Variants in CYRIB observed in about 807,000 individuals in gnomAD.
CYRIB encodes the protein CYFIP-related Rac1 interactor B.
A neutral mutation model predicts 44.2 loss-of-function variants in CYRIB; 8 were observed. The ratio of observed to expected loss-of-function variants is 0.18; its 90% confidence interval spans 0.11 to 0.33. The LOEUF (loss-of-function observed/expected upper bound fraction) is 0.33, where lower values mean the gene tolerates loss of function less well. Ranked by LOEUF, CYRIB falls within the 10% of genes least tolerant of loss-of-function variation. The probability of loss-of-function intolerance (pLI) is 1.00; values close to 1 mark genes in which losing one functional copy is unlikely to be tolerated. For synonymous variants in CYRIB, 131 were observed against 127.2 expected (o/e 1.03, Z -0.20); for missense variants, 185 against 382.8 (o/e 0.48, Z 4.31).
chr8:129,885,319 C>T (rs554600593), intron 2 of CYRIB, among the ~76,000 whole-genome samples: 1 of 152,294 alleles, frequency 6.6e-6, no homozygotes, highest in South Asian at 2.1e-4. Flanking sequence ...TAATCTTCTA[C>T]CTACCTCTTC....
chr8:129,852,154 A>G lies in CYRIB; in HGVS notation c.633+8T>C, dbSNP rs529381210. On this transcript the variant is annotated splice_region_variant and intron_variant, in intron 8 of 11. Transcript: ENST00000519824. ...ACAACACAGAGTACCTGCCTAGGCAATGCTTACCTCTGATACAAATTTTGT... is the reference window on the plus strand; with the variant it reads ...ACAACACAGAGTACCTGCCTAGGCAGTGCTTACCTCTGATACAAATTTTGT... The G allele has an allele frequency of 6.6e-7, 1 of 1,519,216 alleles. No individual in the cohort carries two copies. Among genetic ancestry groups the G allele is most frequent in the Admixed American group, 2.0e-5 (1 of 49,898 alleles). The allele number at this position is 1,519,216 out of a possible 1,614,324, so 94.1% of individuals were successfully genotyped here.
At chr8:129,941,273 A>ATC (rs2093676588), upstream of CYRIB, among the ~76,000 whole-genome samples, 8 of 125,900 alleles carry the variant, frequency 6.4e-5, no homozygotes, top group South Asian at 2.0e-3. Context: ...ACTGAAGGAG[A>ATC]TTTTTTTTTT....
intron 4 of CYRIB, among the ~76,000 whole-genome samples, chr8:129,870,866 A>G (rs1195893212): frequency 1.3e-5 from 2 of 152,234 alleles, no homozygotes; most frequent in African/African-American, 2.4e-5. Flanking sequence ...TTAAAAGAGT[A>G]AAGTTTCAGA....
At chr8:129,919,642 TA>T (rs939400221) in intron 1 of CYRIB, among the ~76,000 whole-genome samples, 1 of 152,086 alleles carries the variant, frequency 6.6e-6, no homozygotes, top group Non-Finnish European at 1.5e-5. Context: ...CTTACATACT[TA>T]AAAAAACACC....
intron 4 of CYRIB, among the ~76,000 whole-genome samples, chr8:129,868,069 T>C (rs960279760): frequency 6.6e-6 from 1 of 152,216 alleles, no homozygotes; most frequent in African/African-American, 2.4e-5. Flanking sequence ...AGTTGGCTGC[T>C]CTAAGTCTTA....
At chr8:129,867,445 C>CA (rs1236068382) in intron 4 of CYRIB, among the ~76,000 whole-genome samples, 6 of 149,348 alleles carry the variant, frequency 4.0e-5, no homozygotes, top group Admixed American at 2.0e-4. Context: ...TTAAAATTTA[C>CA]AAAAAAAAAG....
At chr8:129,910,500 TTTTTA>T (rs2136246198) in intron 1 of CYRIB, among the ~76,000 whole-genome samples, 1 of 144,888 alleles carries the variant, frequency 6.9e-6, no homozygotes, top group African/African-American at 2.6e-5. Context: ...TTTTTTTTTT[TTTTTA>T]AAGAGACAAG....
chr8:130,014,947 T>C (rs960509121), intron 1 of CYRIB, among the ~76,000 whole-genome samples: 3 of 152,262 alleles, frequency 2.0e-5, no homozygotes, highest in Admixed American at 6.5e-5. Flanking sequence ...TGGCTCAGTC[T>C]TGGCTGTTGG....
At chr8:129,999,690 C>T (rs1007432870) in intron 1 of CYRIB, among the ~76,000 whole-genome samples, 7 of 152,232 alleles carry the variant, frequency 4.6e-5, no homozygotes, top group African/African-American at 9.6e-5. Context: ...TGCAGTGGCA[C>T]GATCACGGCT....
chr8:130,008,208 CTAAA>C (rs905109371), intron 1 of CYRIB: 2 of 152,318 alleles, frequency 1.3e-5, no homozygotes, highest in Non-Finnish European at 2.9e-5. Context: ...GACTCTGTCT[CTAAA>C]TAAATAAATA....
chr8:129,887,439 T>G (rs1326685103), intron 2 of CYRIB, among the ~76,000 whole-genome samples: 1 of 152,168 alleles, frequency 6.6e-6, no homozygotes, highest in Admixed American at 6.5e-5. Flanking sequence ...AGAGCCCTCA[T>G]GGAGAACCTC....
intron 2 of CYRIB, chr8:129,896,799 C>G (rs2068295945): frequency 6.6e-6 from 1 of 152,174 alleles, no homozygotes; most frequent in Non-Finnish European, 1.5e-5. Context: ...GTCCATCATT[C>G]TTTCTTCTCC....
At chr8:129,849,099 A>G in intron 10 of CYRIB, 144 bp downstream of exon 12, 1 of 666,632 alleles carries the variant, frequency 1.5e-6, no homozygotes, top group Non-Finnish European at 2.4e-6. Context: ...GCACAGGGAC[A>G]GAGGAGATGA....
intron 1 of CYRIB, among the ~76,000 whole-genome samples, chr8:129,907,314 G>A (rs184962830): frequency 5.5e-4 from 83 of 152,030 alleles, no homozygotes; most frequent in Non-Finnish European, 9.3e-4. Flanking sequence ...GGATGAAGCT[G>A]GAAATCATCA....
upstream of CYRIB, among the ~76,000 whole-genome samples, chr8:129,940,837 C>T (rs1368026889): frequency 2.0e-5 from 3 of 152,056 alleles, no homozygotes; most frequent in African/African-American, 7.2e-5. Flanking sequence ...GGACTTTTCC[C>T]CCCGGGAAAA....
At chr8:129,942,125 G>A (rs1384480853), upstream of CYRIB, among the ~76,000 whole-genome samples, 3 of 152,142 alleles carry the variant, frequency 2.0e-5, no homozygotes, top group African/African-American at 7.2e-5. Flanking sequence ...TGGATCACGA[G>A]GTTAGGAGTT....
intron 1 of CYRIB, among the ~76,000 whole-genome samples, chr8:130,010,880 T>C (rs2097198867): frequency 1.3e-5 from 2 of 152,114 alleles, no homozygotes; most frequent in South Asian, 2.1e-4. Context: ...CATCGCATCA[T>C]GTGCAAAAGT....
At chr8:129,977,122 G>A (rs907724570) in intron 1 of CYRIB, among the ~76,000 whole-genome samples, 3 of 152,176 alleles carry the variant, frequency 2.0e-5, no homozygotes, top group East Asian at 1.9e-4. Flanking sequence ...GATTACAGGC[G>A]TGAGCCACCG....
chr8:129,900,306 C>A (rs1219516057), intron 2 of CYRIB, among the ~76,000 whole-genome samples: 4 of 152,124 alleles, frequency 2.6e-5, no homozygotes, highest in Admixed American at 2.6e-4. Flanking sequence ...TTAAGTACCA[C>A]CACAACAAAG....
Sources: gnomAD v4.1 joint callset for allele counts (sites outside exome capture counted in the v4.1 genomes callset) on GRCh38, gnomAD v4.1.1 for gene constraint, MANE v1.5 for transcripts, NCBI Gene and HGNC (gene_info 2026-07-23, HGNC 2026-07-21) for gene names.